The following SLC22A23 variants were observed in gnomAD, a reference collection of about 807,000 sequenced individuals.
SLC22A23 encodes the protein ion transporter protein.
SLC22A23 carries 26 observed loss-of-function variants against 61.0 expected under a neutral mutation model. That is an observed-to-expected ratio of 0.43 (90% CI 0.31 to 0.59). The LOEUF is 0.59. Among genes scored for constraint, SLC22A23 ranks in the 20% least tolerant of loss-of-function variants. SLC22A23 has a pLI of 0.11. For missense variants in SLC22A23, 796 were observed against 934.7 expected (o/e 0.85, Z 1.94); for synonymous variants, 430 against 413.9 (o/e 1.04, Z -0.47).
Position 3,324,288 on chromosome 6 carries a change from C to T in SLC22A23, c.914-286G>A. 1 of 398,430 alleles carries T rather than the reference C, an allele frequency of 2.5e-6. No individual in the cohort carries two copies. The highest frequency in any genetic ancestry group is 4.6e-6 in the Non-Finnish European group (1 of 218,320). The allele number at this position is 398,430 out of a possible 1,614,324, so 24.7% of individuals were successfully genotyped here. A position where few individuals can be genotyped will look rare whatever the true frequency, so the allele number is the denominator to read the frequency against. On this transcript the variant is annotated intron_variant, in intron 3 of 9. Coordinates refer to ENST00000406686, the MANE Select transcript of SLC22A23 (RefSeq NM_015482.2). This position sits in a 1 kb window ranked among gnomAD's most constrained non-coding sequence, Gnocchi z 4.3. ...GCTCAGAAACCAGGAAATGGTACTG[C>T]CTATGGGACAGATCGCCCATTGTTC...
intron 5 of SLC22A23, among the ~76,000 whole-genome samples, chr6:3,294,692 C>T (rs28360514): frequency 0.081 from 12,364 of 152,208 alleles, 1,246 homozygotes; most frequent in African/African-American, 0.24. Flanking sequence ...GGAGTGCTCT[C>T]AGCAGTTGGG....
At chr6:3,340,695 G>C (rs555847598) in intron 3 of SLC22A23, among the ~76,000 whole-genome samples, 1 of 152,248 alleles carries the variant, frequency 6.6e-6, no homozygotes, top group South Asian at 2.1e-4. Context: ...GACAGAGTGC[G>C]GCCCTTATGG....
At chr6:3,355,193 A>C (rs1764997309) in intron 3 of SLC22A23, among the ~76,000 whole-genome samples, 1 of 152,056 alleles carries the variant, frequency 6.6e-6, no homozygotes, top group Admixed American at 6.6e-5. Context: ...GCTAAAAAAA[A>C]AAAAGTCTCC....
In SLC22A23 at chr6:3,427,600, T is replaced by C. The variant is rs1290595441; in HGVS notation, c.655-11745A>G. 6.6e-6 allele frequency among the ~76,000 whole-genome samples: 1 copy of C among 152,028 alleles called. No individual in the cohort carries two copies. Among genetic ancestry groups the C allele is most frequent in the Non-Finnish European group, 1.5e-5 (1 of 68,000 alleles). ...CCCGGGGCTCTACCGTGCTTTCAGG[T>C]CCTCCCACCACCTCTCAGGATGCCG... On this transcript the variant is annotated intron_variant, in intron 1 of 9. Coordinates refer to ENST00000406686, the MANE Select transcript of SLC22A23 (RefSeq NM_015482.2). The surrounding 1 kb of genome is among the most constrained non-coding windows in gnomAD (Gnocchi z 4.3).
intron 3 of SLC22A23, among the ~76,000 whole-genome samples, chr6:3,407,143 C>T (rs17249672): frequency 0.053 from 7,998 of 152,296 alleles, 315 homozygotes; most frequent in South Asian, 0.13. Flanking sequence ...GGGGCCATTA[C>T]AAATGTAACT....
chr6:3,268,998 AAT>A lies in SLC22A23; in HGVS notation c.*4055_*4056del, dbSNP rs1343276694. The A allele has an allele frequency of 1.3e-5, 2 of 152,388 alleles. No individual in the cohort carries two copies. The highest frequency in any genetic ancestry group is 3.7e-4 in the East Asian group (2 of 5,340). 9.4% of individuals were successfully genotyped at this position (152,388 alleles called of 1,614,324 possible). On this transcript the variant is annotated 3_prime_UTR_variant, in exon 10 of 10. Coordinates refer to ENST00000406686, the MANE Select transcript of SLC22A23 (RefSeq NM_015482.2). Reference sequence around the variant, plus strand: ...TTTGGTATAAATACTTTATTAAAGAAATATTGTCATTTTCGTTAAAAAATACA... The same window carrying A: ...TTTGGTATAAATACTTTATTAAAGAAATTGTCATTTTCGTTAAAAAATACA...
At chr6:3,432,448 C>T (rs1424095704) in intron 1 of SLC22A23, 3 of 959,954 alleles carry the variant, frequency 3.1e-6, no homozygotes, top group Non-Finnish European at 2.5e-6. Flanking sequence ...CTCTTCAGCT[C>T]ACTGTAAAAC....
At chr6:3,404,065 T>C (rs746944924) in intron 3 of SLC22A23, among the ~76,000 whole-genome samples, 3 of 152,198 alleles carry the variant, frequency 2.0e-5, no homozygotes, top group Admixed American at 6.5e-5. Context: ...ACTACTGAAA[T>C]TCCAGTCTGG....
chr6:3,361,334 T>C (rs78515613), intron 3 of SLC22A23, among the ~76,000 whole-genome samples: 6,248 of 151,460 alleles, frequency 0.041, 157 homozygotes, highest in Non-Finnish European at 0.057. Context: ...GTCCCTTCCA[T>C]CTGTGGCCAT....
chr6:3,436,671 G>A (rs746552647), intron 1 of SLC22A23, among the ~76,000 whole-genome samples: 11 of 152,090 alleles, frequency 7.2e-5, no homozygotes, highest in East Asian at 1.9e-4. Context: ...TTTTGGCCCC[G>A]CCTCTGTCTC....
At position 3,271,783 on chromosome 6, in the gene SLC22A23, C is replaced by T. The variant is rs886436338; in HGVS notation, c.*1272G>A. ...GAAACCTCCACTTTCTGGGGTGAAA[C>T]GAGGAACACGAAGAGACCCATGGAG... On this transcript the variant is annotated 3_prime_UTR_variant, in exon 10 of 10. Coordinates refer to ENST00000406686, the MANE Select transcript of SLC22A23 (RefSeq NM_015482.2). 5.3e-5 allele frequency: 8 copies of T among 152,348 alleles called. No individual in the cohort carries two copies. The highest frequency in any genetic ancestry group is 2.0e-4 in the Admixed American group (3 of 15,286). The allele number at this position is 152,348 out of a possible 1,614,324, so 9.4% of individuals were successfully genotyped here.
At chr6:3,354,497 A>T (rs1764956723) in intron 3 of SLC22A23, among the ~76,000 whole-genome samples, 1 of 152,226 alleles carries the variant, frequency 6.6e-6, no homozygotes, top group Non-Finnish European at 1.5e-5. Context: ...AGATCCATCG[A>T]TATAGCAGAG....
intron 3 of SLC22A23, among the ~76,000 whole-genome samples, chr6:3,351,373 T>G (rs2127434743): frequency 6.6e-6 from 1 of 152,052 alleles, no homozygotes; most frequent in East Asian, 1.9e-4. Context: ...AGGAAAAGGG[T>G]TGGGGAAAAA....
At chr6:3,351,160 G>A (rs1343405306) in intron 3 of SLC22A23, among the ~76,000 whole-genome samples, 5 of 152,146 alleles carry the variant, frequency 3.3e-5, no homozygotes, top group Admixed American at 6.5e-5. Context: ...GGCTAATGCC[G>A]TTTGTATAGA....
chr6:3,411,704 C>T (rs1769262870), intron 2 of SLC22A23, among the ~76,000 whole-genome samples: 1 of 152,062 alleles, frequency 6.6e-6, no homozygotes, highest in Admixed American at 6.5e-5. Flanking sequence ...GGGAAAGGAA[C>T]AACAGGATGA....
intron 3 of SLC22A23, among the ~76,000 whole-genome samples, chr6:3,346,167 G>A (rs1386843116): frequency 2.0e-5 from 3 of 152,168 alleles, no homozygotes; most frequent in Non-Finnish European, 4.4e-5. Context: ...CAAGGGCACA[G>A]ACTCTCTTTG....
Position 3,427,849 on chromosome 6 carries a change from CA to C in SLC22A23, c.655-11995del, listed in dbSNP as rs139157944. Among the ~76,000 whole-genome samples the C allele has an allele frequency of 0.035, 5,311 of 152,312 alleles. 207 individuals are homozygous for C. Among genetic ancestry groups the C allele is most frequent in the African/African-American group, 0.1 (4,243 of 41,556 alleles). On this transcript the variant is annotated intron_variant, in intron 1 of 9. Transcript: ENST00000406686. This position sits in a 1 kb window ranked among gnomAD's most constrained non-coding sequence, Gnocchi z 4.3. Reference sequence around the variant, plus strand: ...TTCTAAAAACACCGTGCCAAACTGGCAGCATGACAGCAGAGTGTGACTGTGC... The same window carrying C: ...TTCTAAAAACACCGTGCCAAACTGGCGCATGACAGCAGAGTGTGACTGTGC...
chr6:3,422,282 G>A (rs994919019), intron 1 of SLC22A23, among the ~76,000 whole-genome samples: 4 of 152,108 alleles, frequency 2.6e-5, no homozygotes, highest in African/African-American at 4.8e-5. Context: ...TACCATGGAC[G>A]TGCGGTGCTC....
chr6:3,395,999 A>C (rs1331359914), intron 3 of SLC22A23, among the ~76,000 whole-genome samples: 1 of 152,260 alleles, frequency 6.6e-6, no homozygotes, highest in African/African-American at 2.4e-5. Context: ...CATTTAAATA[A>C]TACTATACTA....
Sources: allele counts gnomAD v4.1 joint callset (sites outside exome capture counted in the v4.1 genomes callset), GRCh38; gene constraint gnomAD v4.1.1; non-coding constraint Gnocchi (gnomAD v3.1); transcripts MANE v1.5; gene names NCBI Gene and HGNC (gene_info 2026-07-23, HGNC 2026-07-21).